Variants in CSTPP1 observed in about 807,000 individuals in gnomAD.
CSTPP1 encodes the protein UPF0705 protein C11orf49.
the CSTPP1 span, among the ~76,000 whole-genome samples, chr11:46,958,842 C>T: frequency 6.6e-6 from 1 of 152,252 alleles, no homozygotes; most frequent in African/African-American, 2.4e-5. Flanking sequence ...TGTCCCAGGG[C>T]AAGATGAGAG....
the CSTPP1 span, among the ~76,000 whole-genome samples, chr11:47,101,182 T>A: frequency 5.1e-5 from 5 of 97,662 alleles, no homozygotes; most frequent in South Asian, 4.7e-4. Flanking sequence ...TTTTTTTTTT[T>A]TTTTTTTATT....
At chr11:46,984,048 C>T in the CSTPP1 span, among the ~76,000 whole-genome samples, 1 of 152,138 alleles carries the variant, frequency 6.6e-6, no homozygotes, top group African/African-American at 2.4e-5. Flanking sequence ...GGTGGGGGGA[C>T]AGGACAGACA....
chr11:47,063,195 G>C, the CSTPP1 span, among the ~76,000 whole-genome samples: 1 of 152,072 alleles, frequency 6.6e-6, no homozygotes, highest in Non-Finnish European at 1.5e-5. Context: ...AGGGACCTTA[G>C]AAATTATTTC....
the CSTPP1 span, among the ~76,000 whole-genome samples, chr11:46,947,503 A>G: frequency 3.9e-5 from 6 of 152,248 alleles, no homozygotes; most frequent in Non-Finnish European, 5.9e-5. Flanking sequence ...AAACAAAGCA[A>G]TTACTGCTGA....
the CSTPP1 span, among the ~76,000 whole-genome samples, chr11:46,956,988 C>T: frequency 1.3e-5 from 2 of 151,244 alleles, no homozygotes; most frequent in Non-Finnish European, 2.9e-5. Flanking sequence ...ACTATGATTA[C>T]ATTTCTCCTT....
At chr11:47,127,438 T>G in the CSTPP1 span, among the ~76,000 whole-genome samples, 3 of 152,208 alleles carry the variant, frequency 2.0e-5, no homozygotes, top group African/African-American at 4.8e-5. Context: ...AGGAACTCTG[T>G]TATTCATTCA....
the CSTPP1 span, among the ~76,000 whole-genome samples, chr11:46,984,745 A>T: frequency 7.3e-5 from 11 of 151,680 alleles, no homozygotes; most frequent in Non-Finnish European, 1.5e-4. Context: ...ACCATCAAAA[A>T]GAAAAAAAAA....
chr11:47,077,614 G>A, the CSTPP1 span, among the ~76,000 whole-genome samples: 1 of 152,302 alleles, frequency 6.6e-6, no homozygotes, highest in African/African-American at 2.4e-5. Context: ...AGTTTAGGAA[G>A]ATGAAATTAT....
At chr11:47,085,947 T>G in the CSTPP1 span, among the ~76,000 whole-genome samples, 1 of 124,064 alleles carries the variant, frequency 8.1e-6, no homozygotes, top group Non-Finnish European at 1.6e-5. Flanking sequence ...TCTGAGAAAG[T>G]GTGCATGGGG....
chr11:47,139,072 C>T, the CSTPP1 span, among the ~76,000 whole-genome samples: 90,666 of 150,558 alleles, frequency 0.6, 28,005 homozygotes, highest in Middle Eastern at 0.69. Flanking sequence ...AGAATGCCTA[C>T]CTTCCCTATA....
the CSTPP1 span, among the ~76,000 whole-genome samples, chr11:47,118,855 T>C: frequency 3.9e-5 from 6 of 152,166 alleles, no homozygotes; most frequent in African/African-American, 1.4e-4. Flanking sequence ...GCCACCTATA[T>C]ATGAGGTGTC....
At chr11:47,150,894 T>C in the CSTPP1 span, among the ~76,000 whole-genome samples, 1 of 147,332 alleles carries the variant, frequency 6.8e-6, no homozygotes, top group Non-Finnish European at 1.5e-5. Context: ...TTTTTTTTTT[T>C]TTTTTTTTTT....
At chr11:47,004,002 GTGT>G in the CSTPP1 span, among the ~76,000 whole-genome samples, 1 of 152,040 alleles carries the variant, frequency 6.6e-6, no homozygotes, top group African/African-American at 2.4e-5. Context: ...TCTTCATTGT[GTGT>G]TGTTCTCCTT....
chr11:47,110,890 C>CTTTTTTTTTTTTTT, the CSTPP1 span, among the ~76,000 whole-genome samples: 3 of 125,496 alleles, frequency 2.4e-5, no homozygotes, highest in African/African-American at 5.8e-5. Context: ...GAGAACACAT[C>CTTTTTTTTTTTTTT]TTTTTTTTTT....
the CSTPP1 span, chr11:47,052,206 A>G: frequency 1.6e-6 from 1 of 626,344 alleles, no homozygotes; most frequent in Non-Finnish European, 2.5e-6. Flanking sequence ...GTTTTCGGAA[A>G]GGTATGGTTA....
At chr11:47,080,985 G>A in the CSTPP1 span, among the ~76,000 whole-genome samples, 1 of 149,962 alleles carries the variant, frequency 6.7e-6, no homozygotes, top group Non-Finnish European at 1.5e-5. Context: ...CTCCAGCCTG[G>A]GCAATAGAGC....
chr11:47,045,261 T>C, the CSTPP1 span, among the ~76,000 whole-genome samples: 1 of 152,184 alleles, frequency 6.6e-6, no homozygotes, highest in African/African-American at 2.4e-5. Context: ...CTGAGAGCAT[T>C]TACCACTCAC....
At chr11:46,971,191 ATTG>A in the CSTPP1 span, among the ~76,000 whole-genome samples, 1 of 152,200 alleles carries the variant, frequency 6.6e-6, no homozygotes, top group African/African-American at 2.4e-5. Context: ...ACCCTCCTGT[ATTG>A]TTCTGTTTCA....
At chr11:47,062,746 A>G in the CSTPP1 span, among the ~76,000 whole-genome samples, 1 of 152,232 alleles carries the variant, frequency 6.6e-6, no homozygotes, top group African/African-American at 2.4e-5. Flanking sequence ...CTAACTACAC[A>G]TGCCTTGGCC....
Sources: gnomAD v4.1 joint callset for allele counts (sites outside exome capture counted in the v4.1 genomes callset) on GRCh38, gnomAD v4.1.1 for gene constraint, MANE v1.5 for transcripts, NCBI Gene and HGNC (gene_info 2026-07-23, HGNC 2026-07-21) for gene names.